Variants in TMEM236 observed in about 807,000 individuals in gnomAD.
The protein encoded by TMEM236 is family with sequence similarity 23, member A.
TMEM236 carries 11 observed loss-of-function variants against 14.7 expected under a neutral mutation model. That is an observed-to-expected ratio of 0.75 (90% CI 0.47 to 1.24). TMEM236 has a LOEUF of 1.24. TMEM236 is among the 50% of genes most tolerant of loss of function. The probability of loss-of-function intolerance (pLI) is 0.00; values close to 1 mark genes in which losing one functional copy is unlikely to be tolerated. For synonymous variants in TMEM236, 182 were observed against 168.6 expected (o/e 1.08, Z -0.62); for missense variants, 464 against 427.3 (o/e 1.09, Z -0.76).
intron 3 of TMEM236, among the ~76,000 whole-genome samples, chr10:17,792,713 T>C (rs1837946328): frequency 6.6e-6 from 1 of 152,188 alleles, no homozygotes; most frequent in Non-Finnish European, 1.5e-5. Flanking sequence ...AGTTTTACTT[T>C]TTACAGGGCC....
chr10:17,771,606 TGTGTGAGACAGTAA>T (rs1474306598), intron 2 of TMEM236, among the ~76,000 whole-genome samples: 1 of 152,210 alleles, frequency 6.6e-6, no homozygotes, highest in Non-Finnish European at 1.5e-5. Flanking sequence ...TTTGTGTTTG[TGTGTGAGACAGTAA>T]TGATATTTGA....
chr10:17,768,959 C>T (rs1297662188), intron 1 of TMEM236, among the ~76,000 whole-genome samples: 5 of 152,056 alleles, frequency 3.3e-5, no homozygotes, highest in African/African-American at 4.8e-5. Flanking sequence ...GGGTACAGTT[C>T]GGTGGCATTA....
intron 1 of TMEM236, among the ~76,000 whole-genome samples, chr10:17,766,073 T>C (rs1554834301): frequency 1.3e-5 from 2 of 152,182 alleles, no homozygotes; most frequent in Non-Finnish European, 2.9e-5. Context: ...CTGAGCATAG[T>C]TTCTTATCAT....
At chr10:17,764,811 C>A (rs1837434103) in intron 1 of TMEM236, among the ~76,000 whole-genome samples, 1 of 147,382 alleles carries the variant, frequency 6.8e-6, no homozygotes, top group Admixed American at 6.9e-5. Flanking sequence ...GTCTTCCCCA[C>A]CTGCATGTCT....
At chr10:17,783,512 G>A (rs963893312) in intron 3 of TMEM236, among the ~76,000 whole-genome samples, 10 of 152,244 alleles carry the variant, frequency 6.6e-5, no homozygotes, top group East Asian at 1.9e-4. Context: ...AATGGCCCTC[G>A]TCCAATGCCT....
intron 2 of TMEM236, among the ~76,000 whole-genome samples, chr10:17,775,583 C>T (rs1837646619): frequency 6.6e-6 from 1 of 152,206 alleles, no homozygotes; most frequent in East Asian, 1.9e-4. Context: ...CTTGCCGTAG[C>T]TTTTTGTAAA....
rs1275273399 is a variant in TMEM236 at position 17,752,509 on chromosome 10, A to G, written c.214A>G (p.Ile72Val). The G allele has an allele frequency of 6.2e-7, 1 of 1,613,970 alleles. No individual in the cohort carries two copies. The highest frequency in any genetic ancestry group is 2.2e-5 in the East Asian group (1 of 44,886). ...ACTGATCTGGGTTCCTGTAAAAGTT[A>G]TCCTGCACAAGAAACGTTATATTTA... ...TLLIWVPVKV[I>V]LHKKRYIYRK... is the part of the protein sequence containing the mutation. The change falls in exon 1 of 4, where the codon ATC becomes GTC. Residue 72 changes from isoleucine (I) to valine (V), a missense_variant. By Grantham distance (29) the Ile-to-Val change is conservative (BLOSUM62 3). Transcript: ENST00000377495.
intron 2 of TMEM236, among the ~76,000 whole-genome samples, chr10:17,774,857 G>T (rs1837634484): frequency 6.7e-6 from 1 of 149,894 alleles, no homozygotes; most frequent in Non-Finnish European, 1.5e-5. Context: ...CAGTGCAATG[G>T]CATGATCTCA....
chr10:17,759,236 A>G (rs1837322852), intron 1 of TMEM236, among the ~76,000 whole-genome samples: 1 of 152,212 alleles, frequency 6.6e-6, no homozygotes, highest in Non-Finnish European at 1.5e-5. Context: ...GAATATCAGT[A>G]GATGTGTGAT....
intron 1 of TMEM236, among the ~76,000 whole-genome samples, chr10:17,758,124 G>T (rs1837309006): frequency 6.6e-6 from 1 of 152,144 alleles, no homozygotes; most frequent in African/African-American, 2.4e-5. Flanking sequence ...AGTGCATTTG[G>T]CTCTTATAAT....
intron 3 of TMEM236, among the ~76,000 whole-genome samples, chr10:17,779,992 C>G (rs1837720960): frequency 6.6e-6 from 1 of 152,136 alleles, no homozygotes; most frequent in African/African-American, 2.4e-5. Flanking sequence ...CCACCGAGTT[C>G]TAGTTTTCTA....
chr10:17,753,424 G>GTGTGTGTTGTTCCCCTC (rs1442094333), intron 1 of TMEM236, among the ~76,000 whole-genome samples: 25 of 152,054 alleles, frequency 1.6e-4, no homozygotes, highest in Non-Finnish European at 2.4e-4. Context: ...GAAGGCCCCG[G>GTGTGTGTTGTTCCCCTC]TGTGTGTTGT....
In TMEM236 at chr10:17,800,131, A is replaced by T. The variant is rs2130547563; in HGVS notation, c.*3627A>T. 6.6e-6 allele frequency: 1 copy of T among 151,836 alleles called. No individual in the cohort carries two copies. The highest frequency in any genetic ancestry group is 2.4e-5 in the African/African-American group (1 of 41,426). The allele number at this position is 151,836 out of a possible 1,614,324, so 9.4% of individuals were successfully genotyped here. A position where few individuals can be genotyped will look rare whatever the true frequency, so the allele number is the denominator to read the frequency against. The stretch of plus-strand genomic sequence containing the variant: ...ATGCCTGTAATCCCAGCTACTCGGG[A>T]GGCTGAATCAGAATTGCTTGAACCC... On this transcript the variant is annotated 3_prime_UTR_variant, in exon 4 of 4. Transcript: ENST00000377495.
At chr10:17,762,074 A>T (rs893801257) in intron 1 of TMEM236, among the ~76,000 whole-genome samples, 1,541 of 152,218 alleles carry the variant, frequency 0.01, 28 homozygotes, top group African/African-American at 0.034. Context: ...GAACACTCCC[A>T]TCAGCTCGCA....
intron 1 of TMEM236, 26 bp downstream of exon 1, chr10:17,752,578 T>G: frequency 5.0e-6 from 8 of 1,609,982 alleles, no homozygotes; most frequent in Non-Finnish European, 6.8e-6. Context: ...TTCTTTTTTT[T>G]CTTTTTGATT....
chr10:17,777,188 T>G (rs901898245), intron 3 of TMEM236, among the ~76,000 whole-genome samples: 1 of 152,080 alleles, frequency 6.6e-6, no homozygotes, highest in African/African-American at 2.4e-5. Context: ...AAAACTGAGG[T>G]GGAGGCCACT....
At chr10:17,769,696 T>C (rs1326760542) in intron 1 of TMEM236, among the ~76,000 whole-genome samples, 7 of 152,180 alleles carry the variant, frequency 4.6e-5, no homozygotes, top group African/African-American at 1.7e-4. Context: ...TTAGCCAGGT[T>C]ATACTGGGTC....
rs1264285832 is a variant in TMEM236, at chr10:17,796,531, C to T, written c.*27C>T. The T allele has an allele frequency of 5.2e-6, 8 of 1,541,830 alleles. No homozygotes were observed. In the African/African-American group the frequency reaches 5.5e-5, roughly 11 times the overall value. ...AAGGAAATGGGATCTAGTAAGGCCT[C>T]TTTGTGATACCTGTGTGCACATTTG... On this transcript the variant is annotated 3_prime_UTR_variant, in exon 4 of 4. Transcript: ENST00000377495.
chr10:17,752,700 G>T (rs1837226900), intron 1 of TMEM236, 148 bp downstream of exon 1: 2 of 805,374 alleles, frequency 2.5e-6, no homozygotes. Context: ...CTGAGTAGCT[G>T]GGATTACAGT....
Sources: allele counts gnomAD v4.1 joint callset (sites outside exome capture counted in the v4.1 genomes callset), GRCh38; gene constraint gnomAD v4.1.1; transcripts MANE v1.5; gene names NCBI Gene and HGNC (gene_info 2026-07-23, HGNC 2026-07-21).